Variants in MYLK4 observed in about 807,000 individuals in gnomAD.
The protein encoded by MYLK4 is caMLCK like.
In MYLK4, 46 loss-of-function variants were observed where a neutral mutation model predicts 48.1. The observed-to-expected ratio is 0.96, with a 90% CI of 0.75 to 1.22. The LOEUF (loss-of-function observed/expected upper bound fraction) is 1.22. Among genes scored for constraint, MYLK4 ranks in the 50% most tolerant of loss-of-function variants. The pLI is 0.00. For synonymous variants in MYLK4, 170 were observed against 180.8 expected (o/e 0.94, Z 0.48); for missense variants, 451 against 486.1 (o/e 0.93, Z 0.68).
chr6:2,708,763 A>G (rs180999914), intron 2 of MYLK4, among the ~76,000 whole-genome samples: 2 of 152,304 alleles, frequency 1.3e-5, no homozygotes, highest in East Asian at 3.9e-4. Flanking sequence ...AGTCAACATT[A>G]TAGGAAAGCC....
chr6:2,764,626 T>C, the MYLK4 span, among the ~76,000 whole-genome samples: 2 of 152,204 alleles, frequency 1.3e-5, no homozygotes, highest in South Asian at 2.1e-4. Context: ...TAATCTGATA[T>C]TCTTTCCATT....
At chr6:2,671,898 G>A (rs549277575) in intron 11 of MYLK4, among the ~76,000 whole-genome samples, 38 of 152,328 alleles carry the variant, frequency 2.5e-4, no homozygotes, top group African/African-American at 8.9e-4. Context: ...CAGTGAAGAC[G>A]AGACTCAAAA....
At chr6:2,742,086 TA>T (rs112485066) in intron 2 of MYLK4, among the ~76,000 whole-genome samples, 33,137 of 150,202 alleles carry the variant, frequency 0.22, 3,687 homozygotes, top group Middle Eastern at 0.28. Context: ...ATTGCTTACT[TA>T]AAAAAAAAAC....
intron 2 of MYLK4, among the ~76,000 whole-genome samples, chr6:2,721,578 G>A (rs947378317): frequency 7.9e-5 from 12 of 151,936 alleles, no homozygotes; most frequent in Middle Eastern, 3.2e-3. Context: ...GGCATGCATC[G>A]CAAGCTCAGA....
rs370615309 is a variant in MYLK4, at chr6:2,685,789, G to C, written c.342-213C>G. ...GGGAGCTGTTAAGAAAGCAGGTCTCGGCCGGGCACGGTGGCTCACACCTGT... is the reference window on the plus strand; with the variant it reads ...GGGAGCTGTTAAGAAAGCAGGTCTCCGCCGGGCACGGTGGCTCACACCTGT... On this transcript the variant is annotated intron_variant, in intron 4 of 12. Transcript: ENST00000274643. The surrounding 1 kb of genome is among the most constrained non-coding windows in gnomAD (Gnocchi z 4.5). Among the ~76,000 whole-genome samples the C allele has an allele frequency of 2.0e-5, 3 of 152,108 alleles. No individual in the cohort carries two copies. The highest frequency in any genetic ancestry group is 7.2e-5 in the African/African-American group (3 of 41,424).
chr6:2,732,245 G>A (rs915324794), intron 2 of MYLK4, among the ~76,000 whole-genome samples: 1 of 152,156 alleles, frequency 6.6e-6, no homozygotes, highest in African/African-American at 2.4e-5. Flanking sequence ...TGCTAACCTT[G>A]AGCCAGGCAC....
rs1009773508 is a variant in MYLK4 at position 2,678,944 on chromosome 6, CGCCCACCTCA to C, written c.887+326_887+335del. Among the ~76,000 whole-genome samples the C allele has an allele frequency of 1.8e-4, 27 of 152,202 alleles. 1 individual carries two copies. Among genetic ancestry groups the C allele is most frequent in the African/African-American group, 6.5e-4 (27 of 41,528 alleles). On this transcript the variant is annotated intron_variant, in intron 9 of 12. Coordinates refer to ENST00000274643, the MANE Select transcript of MYLK4 (RefSeq NM_001012418.5). ...GTCTCAATCTCTTGACCTCGTGATC[CGCCCACCTCA>C]GCCTCCCAAAGTGCTGGGATTACAG...
the MYLK4 span, chr6:2,766,078 G>T: frequency 7.7e-7 from 1 of 1,298,028 alleles, no homozygotes; most frequent in Non-Finnish European, 9.7e-7. Context: ...CGGGGAGCGC[G>T]TCTCCGCGCA....
intron 1 of MYLK4, among the ~76,000 whole-genome samples, 149 bp downstream of exon 1, chr6:2,750,582 TAAAAC>T (rs1312897210): frequency 1.3e-5 from 2 of 152,172 alleles, no homozygotes; most frequent in Non-Finnish European, 2.9e-5. Flanking sequence ...ATTAATGTAT[TAAAAC>T]AAAAGCTTAG....
intron 6 of MYLK4, among the ~76,000 whole-genome samples, chr6:2,683,855 T>C (rs1052066227): frequency 5.3e-5 from 8 of 152,272 alleles, no homozygotes; most frequent in African/African-American, 1.9e-4. Flanking sequence ...AGTCAGGGTC[T>C]CAGCCCTCTA....
the MYLK4 span, among the ~76,000 whole-genome samples, chr6:2,762,925 C>T: frequency 1.3e-5 from 2 of 152,142 alleles, no homozygotes. Flanking sequence ...GTGAGTATTA[C>T]CACTCATTAA....
At chr6:2,686,098 GAA>G (rs34229153) in intron 4 of MYLK4, among the ~76,000 whole-genome samples, 1 of 114,820 alleles carries the variant, frequency 8.7e-6, no homozygotes, top group Non-Finnish European at 1.8e-5. Flanking sequence ...AAGAAAGAAA[GAA>G]AAAAAAAAAG....
At chr6:2,747,442 C>T (rs1339671927) in intron 2 of MYLK4, among the ~76,000 whole-genome samples, 2 of 152,080 alleles carry the variant, frequency 1.3e-5, no homozygotes, top group African/African-American at 4.8e-5. Flanking sequence ...AACTCCCGGG[C>T]TCAAGCAATC....
At chr6:2,766,356 C>T in the MYLK4 span, 5 of 1,610,244 alleles carry the variant, frequency 3.1e-6, no homozygotes, top group Non-Finnish European at 3.4e-6. Flanking sequence ...CAGAGCAAGG[C>T]CGTGGGCCAG....
chr6:2,700,640 A>G (rs1012831448), intron 2 of MYLK4, among the ~76,000 whole-genome samples: 1 of 152,140 alleles, frequency 6.6e-6, no homozygotes, highest in African/African-American at 2.4e-5. Context: ...GCCAAGGTAA[A>G]CGGCCCTGAG....
intron 9 of MYLK4, 39 bp from the exon 10 acceptor site, chr6:2,678,411 A>T (rs748566614): frequency 1.9e-6 from 3 of 1,607,022 alleles, no homozygotes; most frequent in East Asian, 2.2e-5. Flanking sequence ...TTTTTTAAAC[A>T]GCCTCAACCC....
chr6:2,671,156 C>T (rs1760874905), intron 12 of MYLK4, 120 bp downstream of exon 12: 11 of 685,540 alleles, frequency 1.6e-5, no homozygotes, highest in Non-Finnish European at 2.5e-5. Context: ...TCAGGGCCCT[C>T]CACGCCAGCC....
In MYLK4 at chr6:2,679,395, C is replaced by G. The variant is rs927046007; in HGVS notation, c.772G>C (p.Glu258Gln). The change falls in exon 9 of 13, where the codon GAG (glutamate) becomes CAG (glutamine). Residue 258 changes from glutamate (E) to glutamine (Q), a missense_variant. Coordinates refer to ENST00000274643, the MANE Select transcript of MYLK4 (RefSeq NM_001012418.5). ...GTTCCAAAGTTCACCTTCAGCTTCT[C>G]TCTGGGTTTGTATCTGCAATTTAAG... ...FGLARRYKPREKLKVNFGTPE... is the reference protein window; with the variant it reads ...FGLARRYKPRQKLKVNFGTPE... 1 of 1,614,200 alleles carries G rather than the reference C, an allele frequency of 6.2e-7. No homozygotes were observed. Among genetic ancestry groups the G allele is most frequent in the Admixed American group, 1.7e-5 (1 of 60,030 alleles).
At chr6:2,759,906 C>G in the MYLK4 span, among the ~76,000 whole-genome samples, 1 of 152,118 alleles carries the variant, frequency 6.6e-6, no homozygotes, top group Non-Finnish European at 1.5e-5. Context: ...CTGATCTTTC[C>G]AATAATTTGA....
Sources: allele counts gnomAD v4.1 joint callset (sites outside exome capture counted in the v4.1 genomes callset), GRCh38; gene constraint gnomAD v4.1.1; non-coding constraint Gnocchi (gnomAD v3.1); transcripts MANE v1.5; gene names NCBI Gene and HGNC (gene_info 2026-07-23, HGNC 2026-07-21).